ORC4: variants seen among roughly 807,000 people sequenced by gnomAD.
The protein encoded by ORC4 is origin recognition complex subunit 4.
Under a neutral mutation model 63.9 loss-of-function variants are expected in ORC4, and 55 were observed. The observed-to-expected ratio is 0.86, with a 90% CI of 0.69 to 1.08. The LOEUF is 1.08. Ranked by LOEUF, ORC4 falls within the 50% of genes least tolerant of loss-of-function variation. The probability of loss-of-function intolerance (pLI) is 0.00; values close to 1 mark genes in which losing one functional copy is unlikely to be tolerated. For synonymous variants in ORC4, 150 were observed against 168.5 expected (o/e 0.89, Z 0.85); for missense variants, 511 against 504.4 (o/e 1.01, Z -0.13).
chr2:147,966,208 C>G (rs906485269), intron 4 of ORC4, among the ~76,000 whole-genome samples: 10 of 152,032 alleles, frequency 6.6e-5, no homozygotes, highest in Admixed American at 4.6e-4. Flanking sequence ...AAGGAACACA[C>G]AGCAAAAGCA....
At chr2:147,965,900 T>C (rs181897940) in intron 4 of ORC4, among the ~76,000 whole-genome samples, 6 of 152,130 alleles carry the variant, frequency 3.9e-5, no homozygotes, top group Admixed American at 1.3e-4. Context: ...GGAATAAAAC[T>C]AGATATCGAT....
intron 1 of ORC4, among the ~76,000 whole-genome samples, chr2:148,014,500 T>A (rs1387968692): frequency 6.6e-6 from 1 of 152,116 alleles, no homozygotes; most frequent in East Asian, 1.9e-4. Flanking sequence ...TATAATTTTT[T>A]AAATACAACT....
chr2:147,939,647 T>C (rs1299849181), intron 10 of ORC4, among the ~76,000 whole-genome samples: 1 of 152,098 alleles, frequency 6.6e-6, no homozygotes, highest in Non-Finnish European at 1.5e-5. Flanking sequence ...CACCCAATCA[T>C]CCAGCCAGGT....
intron 1 of ORC4, among the ~76,000 whole-genome samples, chr2:148,014,525 A>G (rs1413810677): frequency 6.6e-6 from 1 of 152,234 alleles, no homozygotes; most frequent in Non-Finnish European, 1.5e-5. Context: ...CTCAAGGCAC[A>G]CAAGAAAAAA....
chr2:147,956,637 T>C (rs1689267151), intron 6 of ORC4, among the ~76,000 whole-genome samples: 1 of 152,090 alleles, frequency 6.6e-6, no homozygotes, highest in Non-Finnish European at 1.5e-5. Flanking sequence ...TATTAATTTC[T>C]ATAGCAGTAT....
At chr2:147,936,291 T>A (rs559435618) in intron 13 of ORC4, 1 of 153,482 alleles carries the variant, frequency 6.5e-6, no homozygotes, top group African/African-American at 2.4e-5. Flanking sequence ...TGACTGAGAC[T>A]GTCACAACCT....
chr2:148,020,329 C>T (rs1693622835), intron 1 of ORC4, among the ~76,000 whole-genome samples: 1 of 152,160 alleles, frequency 6.6e-6, no homozygotes, highest in African/African-American at 2.4e-5. Context: ...CTTCACAGTT[C>T]CCTTCTCTCT....
At position 147,975,949 on chromosome 2, in the gene ORC4, G is replaced by C. The variant is rs779531006; in HGVS notation, c.10C>G (p.Arg4Gly). MSS[R>G]KSKSNSLIHT... Reference sequence around the variant, plus strand: ...ATTAAGCTGTTACTCTTTGATTTACGACTGCTCATTTCAACAAATTCAAAT... The same window carrying C: ...ATTAAGCTGTTACTCTTTGATTTACCACTGCTCATTTCAACAAATTCAAAT... The change falls in exon 2 of 14, where the codon CGT becomes GGT. Residue 4 changes from arginine (R) to glycine (G), a missense_variant. By Grantham distance (125) the Arg-to-Gly change is moderately radical. Coordinates refer to ENST00000392857, the MANE Select transcript of ORC4 (RefSeq NM_181741.4). 1.3e-6 allele frequency: 2 copies of C among 1,582,902 alleles called. No individual in the cohort carries two copies. Among genetic ancestry groups the C allele is most frequent in the East Asian group, 4.5e-5 (2 of 44,572 alleles).
chr2:147,936,951 G>A (rs981885629), intron 13 of ORC4: 1 of 148,450 alleles, frequency 6.7e-6, no homozygotes, highest in Admixed American at 6.9e-5. Context: ...TTGGGAGGCA[G>A]AGGTTGCAGT....
At chr2:148,015,055 A>G (rs1193691976) in intron 1 of ORC4, among the ~76,000 whole-genome samples, 1 of 152,058 alleles carries the variant, frequency 6.6e-6, no homozygotes, top group African/African-American at 2.4e-5. Context: ...GGCAAGATAA[A>G]GAATGCCACA....
chr2:148,000,574 T>A (rs1435607524), intron 1 of ORC4, among the ~76,000 whole-genome samples: 1 of 152,058 alleles, frequency 6.6e-6, no homozygotes, highest in East Asian at 1.9e-4. Context: ...ACCAAGAGAA[T>A]ACACAAGCCA....
chr2:147,993,853 G>A (rs113972837), intron 1 of ORC4, among the ~76,000 whole-genome samples: 1 of 152,128 alleles, frequency 6.6e-6, no homozygotes, highest in Admixed American at 6.5e-5. Flanking sequence ...CAACTATGAA[G>A]AAATAGGCTC....
intron 8 of ORC4, among the ~76,000 whole-genome samples, chr2:147,950,562 C>T (rs1398853204): frequency 6.6e-6 from 1 of 151,854 alleles, no homozygotes; most frequent in African/African-American, 2.4e-5. Flanking sequence ...GTCAGGAGTT[C>T]GAGAGCAGCC....
At chr2:147,956,032 G>T (rs1183392479) in intron 6 of ORC4, among the ~76,000 whole-genome samples, 1 of 151,994 alleles carries the variant, frequency 6.6e-6, no homozygotes, top group African/African-American at 2.4e-5. Flanking sequence ...ACTTAGTGTA[G>T]TAGATGCATT....
At chr2:147,953,401 T>A (rs769415537) in intron 7 of ORC4, among the ~76,000 whole-genome samples, 18 of 152,182 alleles carry the variant, frequency 1.2e-4, no homozygotes, top group Non-Finnish European at 2.2e-4. Context: ...ACTATTATTT[T>A]TATAATTACG....
intron 1 of ORC4, among the ~76,000 whole-genome samples, chr2:148,009,330 T>C (rs896092241): frequency 2.0e-5 from 3 of 152,040 alleles, no homozygotes; most frequent in African/African-American, 4.8e-5. Context: ...TGAATGTGAA[T>C]GGACTAAATT....
upstream of ORC4, chr2:148,021,501 G>A (rs900910992): frequency 7.1e-6 from 4 of 563,076 alleles, no homozygotes; most frequent in African/African-American, 1.9e-5. Flanking sequence ...TGCTGCTACT[G>A]CTGCTGCTGC....
rs1690307415 is a variant in ORC4, at chr2:147,972,949, G to T, written c.135-120C>A. On this transcript the variant is annotated intron_variant, in intron 3 of 13. Transcript: ENST00000392857. Reference sequence around the variant, plus strand: ...AATTTCCTCTCTTCTCTCCCTCTGGGTACTTGGCCTAGCTTCTGAATGGTC... The same window carrying T: ...AATTTCCTCTCTTCTCTCCCTCTGGTTACTTGGCCTAGCTTCTGAATGGTC... The T allele has an allele frequency of 4.5e-6, 3 of 670,818 alleles. No individual in the cohort carries two copies. The East Asian group carries it at 8.4e-5, about 19-fold the overall frequency. 41.6% of individuals were successfully genotyped at this position (670,818 alleles called of 1,614,324 possible). A position where few individuals can be genotyped will look rare whatever the true frequency, so the allele number is the denominator to read the frequency against.
At position 148,020,735 on chromosome 2, in the gene ORC4, A is replaced by T. The variant is rs1166077779; in HGVS notation, c.-120T>A. ...CTGCCGCTGCGGACCGTACACAACC[A>T]CTCCCGGCATGCCCCGCGCACGCAC... On this transcript the variant is annotated 5_prime_UTR_variant, in exon 1 of 14. Coordinates refer to ENST00000392857, the MANE Select transcript of ORC4 (RefSeq NM_181741.4). The T allele has an allele frequency of 6.7e-6, 1 of 150,308 alleles. No homozygotes were observed. The highest frequency in any genetic ancestry group is 2.5e-5 in the African/African-American group (1 of 40,532). The allele number at this position is 150,308 out of a possible 1,614,324, so 9.3% of individuals were successfully genotyped here.
Sources: allele counts gnomAD v4.1 joint callset (sites outside exome capture counted in the v4.1 genomes callset), GRCh38; gene constraint gnomAD v4.1.1; transcripts MANE v1.5; gene names NCBI Gene and HGNC (gene_info 2026-07-23, HGNC 2026-07-21).